The following EFCAB6 variants were observed in gnomAD, a reference collection of about 807,000 sequenced individuals.
EFCAB6 encodes EF-hand calcium binding domain 6, also known as EF-hand calcium-binding domain-containing protein 6.
EFCAB6 carries 156 observed loss-of-function variants against 169.8 expected under a neutral mutation model. The observed-to-expected ratio is 0.92, with a 90% CI of 0.81 to 1.05. The LOEUF is 1.05. EFCAB6 is among the 50% of genes least tolerant of loss of function. The pLI is 0.00. For synonymous variants in EFCAB6, 698 were observed against 676.4 expected (o/e 1.03, Z -0.50); for missense variants, 1,800 against 1,829.1 (o/e 0.98, Z 0.29).
intron 27 of EFCAB6, chr22:43,552,267 T>C (rs2048426743): frequency 6.6e-6 from 1 of 152,204 alleles, no homozygotes; most frequent in African/African-American, 2.4e-5. Flanking sequence ...TGTACATACG[T>C]GTGTGTATCT....
intron 12 of EFCAB6, 33 bp from the exon 13 acceptor site, chr22:43,678,196 GAA>G (rs34240326): frequency 3.6e-3 from 4,263 of 1,179,168 alleles, no homozygotes; most frequent in South Asian, 4.7e-3. Flanking sequence ...GGGAATTTTT[GAA>G]AAAAAAAAAA....
intron 2 of EFCAB6, among the ~76,000 whole-genome samples, chr22:43,793,295 G>T (rs1257800090): frequency 6.6e-6 from 1 of 152,184 alleles, no homozygotes; most frequent in Non-Finnish European, 1.5e-5. Flanking sequence ...GTCTCCTCTA[G>T]TTCTAATTTC....
chr22:43,765,084 G>C lies in EFCAB6; in HGVS notation c.440+221C>G, dbSNP rs1192687473. ...TTTGCTGTGTTTACATTTTATTACA[G>C]TATCATTCCTCTTGTTTTGAAATAC... On this transcript the variant is annotated intron_variant, in intron 5 of 31. Transcript: ENST00000262726. Among the ~76,000 whole-genome samples, 3 of 152,076 alleles carry C rather than the reference G, an allele frequency of 2.0e-5. No individual in the cohort carries two copies. The East Asian group carries it at 5.8e-4, about 29-fold the overall frequency.
At chr22:43,782,030 A>G in intron 3 of EFCAB6, 150 bp downstream of exon 3, 1 of 777,998 alleles carries the variant, frequency 1.3e-6, no homozygotes, top group East Asian at 2.8e-5. Flanking sequence ...ATTTCCCCAT[A>G]TAGAAAACAG....
At chr22:43,591,227 G>C (rs1235089413) in intron 23 of EFCAB6, among the ~76,000 whole-genome samples, 2 of 150,866 alleles carry the variant, frequency 1.3e-5, no homozygotes, top group Non-Finnish European at 2.9e-5. Flanking sequence ...GGAGGCTGCG[G>C]TGGGTAGATC....
At chr22:43,766,975 G>T (rs1030690380) in intron 4 of EFCAB6, among the ~76,000 whole-genome samples, 4 of 152,134 alleles carry the variant, frequency 2.6e-5, no homozygotes, top group African/African-American at 7.2e-5. Flanking sequence ...TTCAGTTTGA[G>T]ATTATTTCTA....
In EFCAB6 at chr22:43,537,622, CAG is replaced by C; in HGVS notation, c.3880-79_3880-78del. 6.8e-7 allele frequency: 1 copy of C among 1,468,424 alleles called. No homozygotes were observed. Among genetic ancestry groups the C allele is most frequent in the Non-Finnish European group, 9.1e-7 (1 of 1,095,790 alleles). 91.0% of individuals were successfully genotyped at this position (1,468,424 alleles called of 1,614,324 possible). A position where few individuals can be genotyped will look rare whatever the true frequency, so the allele number is the denominator to read the frequency against. ...GTCATCAAAAATACCTCAATACCTC[CAG>C]TTTTGAGGTTCACAATTTTAGAGGC... On this transcript the variant is annotated intron_variant, in intron 28 of 31. Transcript: ENST00000262726. This position sits in a 1 kb window ranked among gnomAD's most constrained non-coding sequence, Gnocchi z 4.3.
chr22:43,548,539 C>CAAAAAAAAAAAAAAAAAAAAAAAAAAAA lies in EFCAB6; in HGVS notation c.3648+6302_3648+6329dup, dbSNP rs397868076. On this transcript the variant is annotated intron_variant, in intron 27 of 31. Coordinates refer to ENST00000262726, the MANE Select transcript of EFCAB6 (RefSeq NM_022785.4). ...TGGGTGACAGAGCGAGAATCCATCT[C>CAAAAAAAAAAAAAAAAAAAAAAAAAAAA]AAAAAAAAAAAAAAAAAAAAAAAAA... Among the ~76,000 whole-genome samples, 3 of 36,750 alleles carry CAAAAAAAAAAAAAAAAAAAAAAAAAAAA rather than the reference C, an allele frequency of 8.2e-5. 1 individual carries two copies. Among genetic ancestry groups the CAAAAAAAAAAAAAAAAAAAAAAAAAAAA allele is most frequent in the Non-Finnish European group, 1.4e-4 (3 of 21,804 alleles). 24.1% of individuals were successfully genotyped at this position (36,750 alleles called of 152,430 possible). A position where few individuals can be genotyped will look rare whatever the true frequency, so the allele number is the denominator to read the frequency against.
chr22:43,770,903 T>C (rs2061447290), intron 4 of EFCAB6, among the ~76,000 whole-genome samples: 1 of 128,152 alleles, frequency 7.8e-6, no homozygotes, highest in African/African-American at 3.0e-5. Context: ...CAAATAGAAC[T>C]GTACTTTTTT....
rs542939973 is a variant in EFCAB6, at chr22:43,795,940, G to A, written c.-8+13055C>T. ...ACACACACACCCCTTCATCACACAC[G>A]TACCACACACAACTCACCCCCCACA... On this transcript the variant is annotated intron_variant, in intron 2 of 31. Transcript: ENST00000262726. The surrounding 1 kb of genome is among the most constrained non-coding windows in gnomAD (Gnocchi z 4.2). Among the ~76,000 whole-genome samples the A allele has an allele frequency of 4.2e-5, 6 of 141,424 alleles. No homozygotes were observed. The highest frequency in any genetic ancestry group is 2.0e-4 in the East Asian group (1 of 4,886). The allele number at this position is 141,424 out of a possible 152,430, so 92.8% of individuals were successfully genotyped here.
chr22:43,747,831 T>G (rs1167677148), intron 6 of EFCAB6, among the ~76,000 whole-genome samples: 2 of 152,176 alleles, frequency 1.3e-5, no homozygotes, highest in African/African-American at 4.8e-5. Flanking sequence ...GGTGACTTTC[T>G]CTTACAAAGT....
At chr22:43,675,600 A>G (rs2057720637) in intron 13 of EFCAB6, among the ~76,000 whole-genome samples, 1 of 144,144 alleles carries the variant, frequency 6.9e-6, no homozygotes, top group Non-Finnish European at 1.5e-5. Flanking sequence ...TATACTATAT[A>G]TCTGATATAT....
At chr22:43,741,075 A>G (rs886575811) in intron 6 of EFCAB6, among the ~76,000 whole-genome samples, 1 of 152,174 alleles carries the variant, frequency 6.6e-6, no homozygotes, top group African/African-American at 2.4e-5. Context: ...CAAAGGCAAC[A>G]AAGTTAGGGC....
intron 5 of EFCAB6, among the ~76,000 whole-genome samples, chr22:43,758,331 TC>T (rs1388285172): frequency 6.6e-6 from 1 of 152,202 alleles, no homozygotes; most frequent in African/African-American, 2.4e-5. Flanking sequence ...TTTTCCCCTT[TC>T]TTACCTTCTT....
At chr22:43,782,047 A>C (rs987360424) in intron 3 of EFCAB6, 133 bp downstream of exon 3, 1 of 939,174 alleles carries the variant, frequency 1.1e-6, no homozygotes, top group African/African-American at 1.7e-5. Context: ...ACAGGGATAA[A>C]AACAGAGCCT....
chr22:43,771,841 A>G (rs961545335), intron 4 of EFCAB6, among the ~76,000 whole-genome samples: 9 of 152,152 alleles, frequency 5.9e-5, no homozygotes, highest in African/African-American at 2.2e-4. Context: ...ACTTTTCTGA[A>G]TTGGCCCTTC....
chr22:43,561,305 C>CGAGATCGT (rs1474982851), intron 26 of EFCAB6, among the ~76,000 whole-genome samples: 1 of 150,616 alleles, frequency 6.6e-6, no homozygotes, highest in Non-Finnish European at 1.5e-5. Context: ...TGCAGTGAGC[C>CGAGATCGT]GAGATCGTGC....
At chr22:43,742,098 A>T (rs1164921208) in intron 6 of EFCAB6, among the ~76,000 whole-genome samples, 4 of 152,180 alleles carry the variant, frequency 2.6e-5, no homozygotes, top group African/African-American at 9.7e-5. Flanking sequence ...CACCTGAGTC[A>T]TTACCCATGG....
chr22:43,756,906 T>TC (rs1179832478), intron 5 of EFCAB6, among the ~76,000 whole-genome samples: 1 of 152,018 alleles, frequency 6.6e-6, no homozygotes, highest in East Asian at 1.9e-4. Flanking sequence ...TGGCAGGAGC[T>TC]CAGCAGACCC....
Sources: gnomAD v4.1 joint callset for allele counts (sites outside exome capture counted in the v4.1 genomes callset) on GRCh38, gnomAD v4.1.1 for gene constraint, Gnocchi (gnomAD v3.1) non-coding constraint, MANE v1.5 for transcripts, NCBI Gene and HGNC (gene_info 2026-07-23, HGNC 2026-07-21) for gene names.